The following MEF2C variants were observed in gnomAD, a reference collection of about 807,000 sequenced individuals.
MEF2C encodes myocyte enhancer factor 2C.
MEF2C carries 6 observed loss-of-function variants against 50.5 expected under a neutral mutation model. The observed-to-expected ratio is 0.12, with a 90% CI of 0.07 to 0.23. The LOEUF is 0.23. Ranked by LOEUF, MEF2C falls within the 10% of genes least tolerant of loss-of-function variation. The pLI is 1.00. For synonymous variants in MEF2C, 183 were observed against 228.0 expected (o/e 0.80, Z 1.78); for missense variants, 276 against 605.0 (o/e 0.46, Z 5.70).
intron 6 of MEF2C, chr5:88,738,241 A>C (rs1278828898): frequency 1.0e-6 from 1 of 985,250 alleles, no homozygotes; most frequent in Non-Finnish European, 1.2e-6. Flanking sequence ...TCAGGTACTC[A>C]TCTGAGGCAG....
At chr5:88,743,674 T>C in intron 6 of MEF2C, 1 of 985,450 alleles carries the variant, frequency 1.0e-6, no homozygotes, top group Non-Finnish European at 1.2e-6. Flanking sequence ...TCTTGCTAGA[T>C]GGAGTCTTTC....
intron 3 of MEF2C, chr5:88,769,986 G>A (rs1028947534): frequency 2.0e-6 from 2 of 985,210 alleles, no homozygotes; most frequent in Non-Finnish European, 2.4e-6. Context: ...GAAAAGAAAG[G>A]CTGGAATGCA....
chr5:88,888,723 T>G (rs905061980), intron 1 of MEF2C, among the ~76,000 whole-genome samples: 1 of 148,994 alleles, frequency 6.7e-6, no homozygotes, highest in Middle Eastern at 3.5e-3. Context: ...TGGTAAGGTT[T>G]TTTTTTTTTT....
At chr5:88,756,468 T>A (rs1775362798) in intron 4 of MEF2C, among the ~76,000 whole-genome samples, 1 of 152,214 alleles carries the variant, frequency 6.6e-6, no homozygotes, top group Admixed American at 6.5e-5. Flanking sequence ...AAGCAAATTA[T>A]AAGCTTAAAA....
chr5:88,772,693 T>C (rs1247574313), intron 3 of MEF2C: 1 of 974,456 alleles, frequency 1.0e-6, no homozygotes, highest in Non-Finnish European at 1.2e-6. Context: ...ATACGTGACA[T>C]TCAAATCTTT....
intron 2 of MEF2C, among the ~76,000 whole-genome samples, chr5:88,822,513 A>T (rs1000463993): frequency 2.0e-5 from 3 of 152,000 alleles, no homozygotes; most frequent in Non-Finnish European, 4.4e-5. Context: ...TGTACCTGAA[A>T]ATATATAATA....
At chr5:88,732,690 T>A (rs536363441) in intron 6 of MEF2C, 1 of 152,288 alleles carries the variant, frequency 6.6e-6, no homozygotes, top group East Asian at 1.9e-4. Context: ...AAGGTCTGCG[T>A]TTTTCATATT....
chr5:88,869,298 C>CGT (rs1828687855), intron 1 of MEF2C, among the ~76,000 whole-genome samples: 1 of 101,136 alleles, frequency 9.9e-6, no homozygotes, highest in Admixed American at 1.2e-4. Context: ...TATATATACA[C>CGT]ATATATATAT....
Position 88,838,695 on chromosome 5 carries a change from C to A in MEF2C, c.-142-14765G>T, listed in dbSNP as rs547251602. The A allele has an allele frequency of 7.1e-6, 7 of 985,256 alleles. No individual in the cohort carries two copies. In the African/African-American group the frequency reaches 1.2e-4, roughly 17 times the overall value. The allele number at this position is 985,256 out of a possible 1,614,324, so 61.0% of individuals were successfully genotyped here. A position where few individuals can be genotyped will look rare whatever the true frequency, so the allele number is the denominator to read the frequency against. On this transcript the variant is annotated intron_variant, in intron 1 of 10. Coordinates refer to ENST00000504921, the MANE Select transcript of MEF2C (RefSeq NM_002397.5). ...CTAACCAGCTCTGGTATGACCCTGG[C>A]CATTATCCTTACCCTCCTCCCCTTG...
chr5:88,864,873 C>T (rs759433927), intron 1 of MEF2C, among the ~76,000 whole-genome samples: 4 of 151,844 alleles, frequency 2.6e-5, no homozygotes, highest in Admixed American at 6.6e-5. Flanking sequence ...CGGGTTCAAG[C>T]GATTCTGCCT....
chr5:88,889,418 A>C (rs1310890946), intron 1 of MEF2C: 1 of 145,140 alleles, frequency 6.9e-6, no homozygotes, highest in Non-Finnish European at 1.5e-5. Context: ...CGGCCGACGG[A>C]GCTGAAGGGG....
intron 2 of MEF2C, among the ~76,000 whole-genome samples, chr5:88,812,122 G>A (rs764388956): frequency 6.6e-6 from 1 of 152,090 alleles, no homozygotes; most frequent in Non-Finnish European, 1.5e-5. Flanking sequence ...TACTGTAAAA[G>A]ACTGGTCTCC....
intron 4 of MEF2C, among the ~76,000 whole-genome samples, chr5:88,759,400 T>C (rs1439352087): frequency 1.3e-5 from 2 of 152,162 alleles, no homozygotes; most frequent in Non-Finnish European, 2.9e-5. Flanking sequence ...GAGAATTGCT[T>C]GAACCCGGGA....
chr5:88,733,704 G>T (rs933015796), intron 6 of MEF2C: 65 of 984,974 alleles, frequency 6.6e-5, no homozygotes, highest in Middle Eastern at 5.2e-4. Flanking sequence ...GAATAAACAG[G>T]CTGAATATAT....
At chr5:88,739,143 C>G in intron 6 of MEF2C, 2 of 984,850 alleles carry the variant, frequency 2.0e-6, no homozygotes, top group South Asian at 9.4e-5. Context: ...TTAGTATCTG[C>G]GATTAGTTGT....
At chr5:88,748,561 T>C (rs1243581210) in intron 6 of MEF2C, among the ~76,000 whole-genome samples, 1 of 152,236 alleles carries the variant, frequency 6.6e-6, no homozygotes, top group Non-Finnish European at 1.5e-5. Context: ...TGGGGATGCA[T>C]TATATTCATG....
At chr5:88,726,216 G>A (rs1347582166) in intron 10 of MEF2C, among the ~76,000 whole-genome samples, 1 of 152,090 alleles carries the variant, frequency 6.6e-6, no homozygotes. Context: ...ATCTACTTTG[G>A]TGGAGCTGAA....
intron 3 of MEF2C, among the ~76,000 whole-genome samples, chr5:88,763,027 C>T (rs1435466091): frequency 3.3e-5 from 5 of 152,138 alleles, no homozygotes; most frequent in Admixed American, 2.6e-4. Flanking sequence ...GTTTCTGAGG[C>T]ACTGAATATT....
intron 1 of MEF2C, among the ~76,000 whole-genome samples, chr5:88,902,682 T>A (rs188928103): frequency 6.6e-6 from 1 of 152,020 alleles, no homozygotes; most frequent in Admixed American, 6.6e-5. Flanking sequence ...GTGTTAAGGA[T>A]GTAGATTTAA....
Sources: allele counts gnomAD v4.1 joint callset (sites outside exome capture counted in the v4.1 genomes callset), GRCh38; gene constraint gnomAD v4.1.1; transcripts MANE v1.5; gene names NCBI Gene and HGNC (gene_info 2026-07-23, HGNC 2026-07-21).